Variants in SLC4A4 observed in about 807,000 individuals in gnomAD.
SLC4A4 encodes electrogenic sodium bicarbonate cotransporter 1.
SLC4A4 carries 27 observed loss-of-function variants against 111.5 expected under a neutral mutation model. The ratio of observed to expected loss-of-function variants is 0.24; its 90% CI spans 0.18 to 0.33. SLC4A4 has a LOEUF of 0.33. SLC4A4 is among the 10% of genes least tolerant of loss of function. SLC4A4 has a pLI of 1.00. For missense variants in SLC4A4, 909 were observed against 1,315.5 expected (o/e 0.69, Z 4.78); for synonymous variants, 443 against 463.4 (o/e 0.96, Z 0.57).
At chr4:71,176,866 A>C (rs1745110587) in intron 2 of SLC4A4, among the ~76,000 whole-genome samples, 1 of 152,204 alleles carries the variant, frequency 6.6e-6, no homozygotes, top group East Asian at 1.9e-4. Flanking sequence ...CAACTCCAAG[A>C]CACATAATTG....
At chr4:71,186,432 G>T (rs1372818909), upstream of SLC4A4, among the ~76,000 whole-genome samples, 1 of 152,202 alleles carries the variant, frequency 6.6e-6, no homozygotes, top group African/African-American at 2.4e-5. Flanking sequence ...GAAAGCACAG[G>T]CTCTCCCCAC....
Position 71,547,597 on chromosome 4 carries a change from C to G in SLC4A4, c.2622-51C>G, listed in dbSNP as rs16845201. 56,011 of 1,417,496 alleles carry G rather than the reference C, an allele frequency of 0.04. 2,614 individuals carry two copies. Among genetic ancestry groups the G allele is most frequent in the African/African-American group, 0.21 (14,827 of 70,938 alleles). 87.8% of individuals were successfully genotyped at this position (1,417,496 alleles called of 1,614,324 possible). A position where few individuals can be genotyped will look rare whatever the true frequency, so the allele number is the denominator to read the frequency against. On this transcript the variant is annotated intron_variant, in intron 19 of 25. Transcript: ENST00000264485. ...TTTTTTGAAGGTGAAAAGACAAGAG[C>G]ATGTTTATGAAGACAAGAGGTAGAT...
chr4:71,195,240 T>TG (rs1745937369), intron 1 of SLC4A4, among the ~76,000 whole-genome samples: 1 of 125,886 alleles, frequency 7.9e-6, no homozygotes, highest in Admixed American at 1.1e-4. Context: ...GTTTTTTTTT[T>TG]TTTTTTTTTT....
At chr4:71,235,537 C>T (rs555837110) in intron 1 of SLC4A4, among the ~76,000 whole-genome samples, 24 of 152,326 alleles carry the variant, frequency 1.6e-4, no homozygotes, top group South Asian at 8.3e-4. Flanking sequence ...TGGTACTACA[C>T]AAGCAGCATT....
intron 18 of SLC4A4, among the ~76,000 whole-genome samples, chr4:71,536,457 C>CATATACATATATAT (rs1553928531): frequency 6.4e-5 from 2 of 31,412 alleles, no homozygotes; most frequent in Non-Finnish European, 1.3e-4. Context: ...TACATATATA[C>CATATACATATATAT]ATATATACAT....
chr4:71,455,070 A>G (rs2149082461), intron 12 of SLC4A4, among the ~76,000 whole-genome samples: 1 of 152,344 alleles, frequency 6.6e-6, no homozygotes, highest in Non-Finnish European at 1.5e-5. Flanking sequence ...CATCAGAAAG[A>G]GGCAGTTGCC....
intron 2 of SLC4A4, among the ~76,000 whole-genome samples, chr4:71,103,739 A>G (rs1742830578): frequency 6.6e-6 from 1 of 152,172 alleles, no homozygotes; most frequent in African/African-American, 2.4e-5. Flanking sequence ...CAAAGACACA[A>G]CATACCAGAA....
intron 1 of SLC4A4, among the ~76,000 whole-genome samples, chr4:71,219,689 A>T (rs985244368): frequency 1.3e-5 from 2 of 152,240 alleles, no homozygotes; most frequent in Non-Finnish European, 2.9e-5. Flanking sequence ...ACCATTCTAG[A>T]TGCCATTAAA....
chr4:71,422,199 C>T (rs1722590171), intron 7 of SLC4A4, among the ~76,000 whole-genome samples: 1 of 142,718 alleles, frequency 7.0e-6, no homozygotes, highest in African/African-American at 2.7e-5. Context: ...TCAGAGAATA[C>T]TACAAACACC....
Position 71,567,228 on chromosome 4 carries a change from G to C in SLC4A4, c.*36+145G>C, listed in dbSNP as rs1469022414. The C allele has an allele frequency of 4.5e-6, 3 of 668,588 alleles. No individual in the cohort carries two copies. In the African/African-American group the frequency reaches 5.6e-5, roughly 13 times the overall value. 41.4% of individuals were successfully genotyped at this position (668,588 alleles called of 1,614,324 possible). On this transcript the variant is annotated intron_variant, in intron 25 of 25. Coordinates refer to ENST00000264485, the MANE Select transcript of SLC4A4 (RefSeq NM_001098484.3). ...ATAAATTACCCAGTGACCAAAACTT[G>C]TTCCAGCTTTTACTAGTAGAAAGCA...
chr4:71,155,235 GA>G (rs1263978442), intron 2 of SLC4A4, among the ~76,000 whole-genome samples: 1 of 152,114 alleles, frequency 6.6e-6, no homozygotes, highest in African/African-American at 2.4e-5. Flanking sequence ...AAATTGAGAT[GA>G]AAATAATTTT....
At chr4:71,072,940 GTAT>G (rs565674196) in intron 1 of SLC4A4, among the ~76,000 whole-genome samples, 10 of 150,966 alleles carry the variant, frequency 6.6e-5, no homozygotes, top group Admixed American at 1.3e-4. Flanking sequence ...GTTAATTTTT[GTAT>G]TATTATTATT....
chr4:71,346,175 A>C (rs1729311101), intron 4 of SLC4A4, among the ~76,000 whole-genome samples: 1 of 152,044 alleles, frequency 6.6e-6, no homozygotes, highest in African/African-American at 2.4e-5. Context: ...CAAACGAATG[A>C]AATGTTGTTT....
chr4:71,164,837 G>T (rs1560753511), intron 2 of SLC4A4, among the ~76,000 whole-genome samples: 1 of 151,622 alleles, frequency 6.6e-6, no homozygotes. Flanking sequence ...AATCTACAAA[G>T]AACTTAAACA....
At chr4:71,182,721 C>T (rs918832749), upstream of SLC4A4, among the ~76,000 whole-genome samples, 1 of 141,976 alleles carries the variant, frequency 7.0e-6, no homozygotes, top group Non-Finnish European at 1.5e-5. Context: ...ATTTCACACA[C>T]ACACACACAC....
intron 3 of SLC4A4, among the ~76,000 whole-genome samples, chr4:71,308,462 T>C (rs2602063): frequency 0.031 from 4,708 of 152,166 alleles, 251 homozygotes; most frequent in African/African-American, 0.11. Flanking sequence ...AGCTCCAGTC[T>C]GTAGCTCCCA....
At chr4:71,375,919 T>C (rs1732305822) in intron 6 of SLC4A4, among the ~76,000 whole-genome samples, 1 of 151,900 alleles carries the variant, frequency 6.6e-6, no homozygotes, top group South Asian at 2.1e-4. Context: ...CTGACCCTTA[T>C]ACTGTAGTCC....
intron 5 of SLC4A4, among the ~76,000 whole-genome samples, chr4:71,354,168 T>C (rs1730085412): frequency 6.6e-6 from 1 of 151,718 alleles, no homozygotes. Context: ...TCTATGGGAA[T>C]TTTCCTCCCC....
intron 2 of SLC4A4, among the ~76,000 whole-genome samples, chr4:71,178,896 A>C (rs1224467038): frequency 1.3e-5 from 2 of 152,200 alleles, no homozygotes; most frequent in Non-Finnish European, 2.9e-5. Context: ...GCAGAGACAC[A>C]ACAAAAAAAG....
Sources: allele counts gnomAD v4.1 joint callset (sites outside exome capture counted in the v4.1 genomes callset), GRCh38; gene constraint gnomAD v4.1.1; transcripts MANE v1.5; gene names NCBI Gene and HGNC (gene_info 2026-07-23, HGNC 2026-07-21).